DLGAP2: variants seen among roughly 807,000 people sequenced by gnomAD.
DLGAP2 encodes the protein disks large-associated protein 2.
A neutral mutation model predicts 100.3 loss-of-function variants in DLGAP2; 26 were observed. That is an observed-to-expected ratio of 0.26 (90% CI 0.19 to 0.36). The LOEUF (loss-of-function observed/expected upper bound fraction) is 0.36. Among genes scored for constraint, DLGAP2 ranks in the 10% least tolerant of loss-of-function variants. The pLI is 1.00. For synonymous variants in DLGAP2, 886 were observed against 630.1 expected (o/e 1.41, Z -6.08); for missense variants, 1,858 against 1,453.2 (o/e 1.28, Z -4.53).
chr8:1,633,891 G>A (rs947024840), intron 8 of DLGAP2, among the ~76,000 whole-genome samples: 3 of 152,206 alleles, frequency 2.0e-5, no homozygotes, highest in East Asian at 3.9e-4. Context: ...ATAGCATTAG[G>A]AACAGCAGAC....
intron 5 of DLGAP2, among the ~76,000 whole-genome samples, chr8:1,555,926 G>A (rs4593572): frequency 2.6e-5 from 4 of 152,338 alleles, no homozygotes; most frequent in East Asian, 3.9e-4. Context: ...TGAGATTCAA[G>A]ACAGTGTTCC....
intron 3 of DLGAP2, among the ~76,000 whole-genome samples, chr8:1,267,613 T>TACAATAAAATAAAA (rs1799489683): frequency 7.5e-5 from 7 of 93,438 alleles, no homozygotes; most frequent in African/African-American, 3.5e-4. Context: ...TAAGATAAGA[T>TACAATAAAATAAAA]AAGATAAGAT....
At chr8:1,517,541 C>G (rs1800436408) in intron 4 of DLGAP2, among the ~76,000 whole-genome samples, 1 of 152,158 alleles carries the variant, frequency 6.6e-6, no homozygotes, top group African/African-American at 2.4e-5. Context: ...AAGAGCCGCT[C>G]CTCTTTGGAA....
At chr8:1,227,153 GATATATATAT>G (rs759172816) in intron 2 of DLGAP2, among the ~76,000 whole-genome samples, 2 of 89,750 alleles carry the variant, frequency 2.2e-5, no homozygotes, top group African/African-American at 6.5e-5. Context: ...GAAACTGTGA[GATATATATAT>G]ATATATATAT....
chr8:1,585,885 C>T (rs1796103046), intron 6 of DLGAP2, among the ~76,000 whole-genome samples: 1 of 152,036 alleles, frequency 6.6e-6, no homozygotes. Flanking sequence ...TGTCCATCGC[C>T]AGGGGTTTCC....
chr8:1,178,021 G>C (rs915203299), intron 2 of DLGAP2, among the ~76,000 whole-genome samples: 1 of 152,226 alleles, frequency 6.6e-6, no homozygotes, highest in Non-Finnish European at 1.5e-5. Flanking sequence ...GTGGTGAAGG[G>C]ATTCGGCCAT....
At chr8:793,212 C>A (rs564727856) in intron 1 of DLGAP2, among the ~76,000 whole-genome samples, 2 of 152,264 alleles carry the variant, frequency 1.3e-5, no homozygotes, top group South Asian at 2.1e-4. Context: ...CTCTTAGAAT[C>A]CTTGAATGTC....
intron 4 of DLGAP2, among the ~76,000 whole-genome samples, chr8:1,505,957 A>C (rs921553917): frequency 1.3e-5 from 2 of 152,266 alleles, no homozygotes; most frequent in African/African-American, 2.4e-5. Context: ...GGCAGATTAA[A>C]TTATCAAAGT....
chr8:1,168,547 T>C (rs1797064840), intron 2 of DLGAP2, among the ~76,000 whole-genome samples: 1 of 147,154 alleles, frequency 6.8e-6, no homozygotes, highest in South Asian at 2.2e-4. Flanking sequence ...CACCTGTTGT[T>C]TCCTGACTTT....
chr8:1,436,964 C>T (rs1323065284), intron 3 of DLGAP2, among the ~76,000 whole-genome samples: 2 of 152,228 alleles, frequency 1.3e-5, no homozygotes, highest in Non-Finnish European at 2.9e-5. Flanking sequence ...GCAGGTGCAG[C>T]CTGGGAGCAG....
At chr8:790,151 G>A (rs1821989591) in intron 1 of DLGAP2, among the ~76,000 whole-genome samples, 1 of 152,204 alleles carries the variant, frequency 6.6e-6, no homozygotes, top group African/African-American at 2.4e-5. Flanking sequence ...CAGGGGAGGA[G>A]TTTGGATCTC....
intron 1 of DLGAP2, among the ~76,000 whole-genome samples, chr8:772,551 C>T (rs561556221): frequency 2.0e-5 from 3 of 151,902 alleles, no homozygotes; most frequent in East Asian, 2.0e-4. Flanking sequence ...TCAAACTCCT[C>T]GCCTCAGGTG....
intron 2 of DLGAP2, among the ~76,000 whole-genome samples, chr8:1,117,320 C>G (rs11136348): frequency 1.3e-5 from 2 of 152,086 alleles, no homozygotes; most frequent in Admixed American, 6.5e-5. Flanking sequence ...AGGTGCCACA[C>G]TGGGGACGCC....
intron 3 of DLGAP2, among the ~76,000 whole-genome samples, chr8:1,434,559 C>G (rs754775946): frequency 6.6e-6 from 1 of 152,116 alleles, no homozygotes. Flanking sequence ...TCACTGCAGG[C>G]TCAACCTCCT....
chr8:1,425,727 A>G (rs1244223195), intron 3 of DLGAP2, among the ~76,000 whole-genome samples: 1 of 152,148 alleles, frequency 6.6e-6, no homozygotes. Flanking sequence ...GGGCTCATGA[A>G]CCAAGATAAG....
At chr8:1,123,234 G>A (rs895824155) in intron 2 of DLGAP2, among the ~76,000 whole-genome samples, 1 of 152,130 alleles carries the variant, frequency 6.6e-6, no homozygotes, top group African/African-American at 2.4e-5. Context: ...AATGGCTTTT[G>A]CATTCTAAAA....
chr8:1,689,289 C>T (rs766649769), intron 12 of DLGAP2, among the ~76,000 whole-genome samples: 5 of 152,176 alleles, frequency 3.3e-5, no homozygotes, highest in African/African-American at 1.2e-4. Context: ...CCATGCCCGG[C>T]ACAAGATCCC....
At position 1,137,137 on chromosome 8, in the gene DLGAP2, CGTGGCCTCCTCCTT is replaced by C. The variant is rs1202289405; in HGVS notation, c.74-121701_74-121688del. Among the ~76,000 whole-genome samples, 6 of 152,276 alleles carry C rather than the reference CGTGGCCTCCTCCTT, an allele frequency of 3.9e-5. No individual in the cohort carries two copies. The East Asian group carries it at 1.2e-3, about 29-fold the overall frequency. ...TGAGGCCTCTCTTCCCAGCTTGCAG[CGTGGCCTCCTCCTT>C]GTGGCCTCCTCCCTGTGTGCCGGGG... On this transcript the variant is annotated intron_variant, in intron 2 of 14. Transcript: ENST00000637795.
chr8:1,557,535 C>T (rs1327925868), intron 5 of DLGAP2, among the ~76,000 whole-genome samples: 1 of 152,096 alleles, frequency 6.6e-6, no homozygotes. Flanking sequence ...GGTCTCCGCA[C>T]CGAGGCAAGG....
Sources: allele counts gnomAD v4.1 joint callset (sites outside exome capture counted in the v4.1 genomes callset), GRCh38; gene constraint gnomAD v4.1.1; transcripts MANE v1.5; gene names NCBI Gene and HGNC (gene_info 2026-07-23, HGNC 2026-07-21).